The following ZFAND6 variants were observed in gnomAD, a reference collection of about 807,000 sequenced individuals.
The protein encoded by ZFAND6 is AN1-type zinc finger protein 6.
A neutral mutation model predicts 24.5 loss-of-function variants in ZFAND6; 12 were observed. That is an observed-to-expected ratio of 0.49 (90% CI 0.31 to 0.79). The LOEUF (loss-of-function observed/expected upper bound fraction) is 0.79, where lower values mean the gene tolerates loss of function less well. ZFAND6 is among the 30% of genes least tolerant of loss of function. ZFAND6 has a pLI of 0.04. For synonymous variants in ZFAND6, 92 were observed against 81.5 expected, an observed-to-expected ratio of 1.13 and a Z score of -0.69; for missense variants, 207 against 245.9, an observed-to-expected ratio of 0.84 and a Z score of 1.06.
At chr15:80,112,467 G>T (rs1297833956) in intron 2 of ZFAND6, among the ~76,000 whole-genome samples, 1 of 151,814 alleles carries the variant, frequency 6.6e-6, no homozygotes, top group Non-Finnish European at 1.5e-5. Flanking sequence ...GCGTGATCTT[G>T]GCTCACTGCA....
intron 1 of ZFAND6, among the ~76,000 whole-genome samples, chr15:80,077,817 A>G (rs2037382371): frequency 6.8e-6 from 1 of 147,780 alleles, no homozygotes; most frequent in Admixed American, 7.0e-5. Context: ...CTCCTGTCTC[A>G]GCCTCCCAAG....
chr15:80,060,887 C>G (rs1027928978), intron 1 of ZFAND6: 1 of 152,256 alleles, frequency 6.6e-6, no homozygotes, highest in East Asian at 1.9e-4. Context: ...CGCTACTGCA[C>G]TCCAGCCTGG....
chr15:80,066,580 T>TG (rs974589592), intron 1 of ZFAND6, among the ~76,000 whole-genome samples: 1 of 152,054 alleles, frequency 6.6e-6, no homozygotes, highest in Non-Finnish European at 1.5e-5. Context: ...CCCAAAGTGC[T>TG]GGGATTACAG....
intron 1 of ZFAND6, 53 bp downstream of exon 1, chr15:80,059,862 C>G (rs1324990886): frequency 6.6e-6 from 1 of 151,542 alleles, no homozygotes; most frequent in Non-Finnish European, 1.5e-5. Flanking sequence ...CCCTCCCCCG[C>G]CTGCTCCCTT....
chr15:80,068,627 C>T (rs1215114305), intron 1 of ZFAND6, among the ~76,000 whole-genome samples: 2 of 152,218 alleles, frequency 1.3e-5, no homozygotes, highest in African/African-American at 4.8e-5. Context: ...CCACTGTGGC[C>T]TCCCAAAGTG....
intron 5 of ZFAND6, among the ~76,000 whole-genome samples, chr15:80,125,645 G>GTA (rs2040342192): frequency 6.6e-6 from 1 of 152,188 alleles, no homozygotes; most frequent in African/African-American, 2.4e-5. Context: ...TCACTCAGGA[G>GTA]TATAAGTCAA....
intron 1 of ZFAND6, among the ~76,000 whole-genome samples, chr15:80,069,490 CCATT>C (rs537345670): frequency 3.7e-4 from 56 of 152,222 alleles, no homozygotes; most frequent in Middle Eastern, 3.4e-3. Context: ...ACCTCATATG[CCATT>C]CATTCAAACT....
At chr15:80,061,681 C>A (rs1256394518) in intron 1 of ZFAND6, among the ~76,000 whole-genome samples, 2 of 152,150 alleles carry the variant, frequency 1.3e-5, no homozygotes, top group South Asian at 4.1e-4. Flanking sequence ...TCTGCCATAA[C>A]TTATGGGCAC....
chr15:80,085,077 G>A (rs562344318), intron 1 of ZFAND6, among the ~76,000 whole-genome samples: 1 of 152,250 alleles, frequency 6.6e-6, no homozygotes, highest in South Asian at 2.1e-4. Context: ...TTTCCTCCTG[G>A]TCCTCAAGTG....
At chr15:80,071,924 C>T (rs2037001462) in intron 1 of ZFAND6, among the ~76,000 whole-genome samples, 1 of 151,972 alleles carries the variant, frequency 6.6e-6, no homozygotes. Context: ...CCAGTATTTT[C>T]TTCAGTTTTA....
At chr15:80,103,030 T>A (rs1240976147) in intron 2 of ZFAND6, among the ~76,000 whole-genome samples, 1 of 152,356 alleles carries the variant, frequency 6.6e-6, no homozygotes, top group Admixed American at 6.5e-5. Flanking sequence ...TTAGATAGGT[T>A]CATCGGGTCA....
chr15:80,076,194 G>A (rs1341756921), intron 1 of ZFAND6, among the ~76,000 whole-genome samples: 1 of 151,904 alleles, frequency 6.6e-6, no homozygotes, highest in African/African-American at 2.4e-5. Flanking sequence ...TGGTTCCAAC[G>A]TCTGAATCTA....
At chr15:80,126,487 T>A (rs959495127) in intron 5 of ZFAND6, among the ~76,000 whole-genome samples, 4 of 152,198 alleles carry the variant, frequency 2.6e-5, no homozygotes, top group Non-Finnish European at 4.4e-5. Context: ...TAAACTCTTA[T>A]TATATTTATG....
At chr15:80,095,564 C>T (rs189891742) in intron 1 of ZFAND6, among the ~76,000 whole-genome samples, 1 of 152,166 alleles carries the variant, frequency 6.6e-6, no homozygotes, top group African/African-American at 2.4e-5. Flanking sequence ...CAAATTATTA[C>T]TAGATGGTAA....
chr15:80,093,876 G>A (rs2038546427), intron 1 of ZFAND6, among the ~76,000 whole-genome samples: 1 of 152,084 alleles, frequency 6.6e-6, no homozygotes, highest in African/African-American at 2.4e-5. Context: ...CGGGAAGGGT[G>A]CAGTAGAATA....
At chr15:80,093,503 G>A (rs2038517527) in intron 1 of ZFAND6, among the ~76,000 whole-genome samples, 2 of 151,876 alleles carry the variant, frequency 1.3e-5, no homozygotes, top group African/African-American at 2.4e-5. Context: ...CGAGACGGGC[G>A]GAGCACCGAG....
At chr15:80,118,225 C>T (rs1349696912) in intron 2 of ZFAND6, among the ~76,000 whole-genome samples, 6 of 152,080 alleles carry the variant, frequency 3.9e-5, no homozygotes, top group Non-Finnish European at 5.9e-5. Context: ...CAGGTTCAAG[C>T]GATCCTCCTG....
At chr15:80,101,495 T>C (rs1318396581) in intron 2 of ZFAND6, among the ~76,000 whole-genome samples, 1 of 152,102 alleles carries the variant, frequency 6.6e-6, no homozygotes, top group Admixed American at 6.6e-5. Flanking sequence ...TTTACTCCCC[T>C]GCCTTCCTGT....
intron 6 of ZFAND6, among the ~76,000 whole-genome samples, chr15:80,133,086 G>A (rs567707801): frequency 6.6e-6 from 1 of 152,092 alleles, no homozygotes; most frequent in Non-Finnish European, 1.5e-5. Context: ...ATAAAAAAAG[G>A]CATACTATGA....
Sources: allele counts gnomAD v4.1 joint callset (sites outside exome capture counted in the v4.1 genomes callset), GRCh38; gene constraint gnomAD v4.1.1; transcripts MANE v1.5; gene names NCBI Gene and HGNC (gene_info 2026-07-23, HGNC 2026-07-21).